RABGAP1L: variants seen among roughly 807,000 people sequenced by gnomAD.
RABGAP1L encodes rab GTPase-activating protein 1-like.
Under a neutral mutation model 137.7 loss-of-function variants are expected in RABGAP1L, and 63 were observed. That is an observed-to-expected ratio of 0.46 (90% CI 0.37 to 0.56). The LOEUF is 0.56. Ranked by LOEUF, RABGAP1L falls within the 20% of genes least tolerant of loss-of-function variation. The probability of loss-of-function intolerance (pLI) is 0.00; values close to 1 mark genes in which losing one functional copy is unlikely to be tolerated. For synonymous variants in RABGAP1L, 431 were observed against 433.7 expected (o/e 0.99, Z 0.08); for missense variants, 1,095 against 1,244.0 (o/e 0.88, Z 1.80).
At chr1:174,729,480 A>G (rs1376502000) in intron 17 of RABGAP1L, among the ~76,000 whole-genome samples, 1 of 152,276 alleles carries the variant, frequency 6.6e-6, no homozygotes, top group Non-Finnish European at 1.5e-5. Context: ...TGACAAGTGG[A>G]ACCTAATTAA....
intron 11 of RABGAP1L, among the ~76,000 whole-genome samples, chr1:174,346,984 G>A (rs1311824036): frequency 6.6e-6 from 1 of 152,008 alleles, no homozygotes; most frequent in Non-Finnish European, 1.5e-5. Context: ...TGACTCACTG[G>A]TCATTCAGGA....
At chr1:174,866,019 T>C (rs1651140173) in intron 19 of RABGAP1L, among the ~76,000 whole-genome samples, 1 of 150,940 alleles carries the variant, frequency 6.6e-6, no homozygotes, top group Non-Finnish European at 1.5e-5. Context: ...ACAAAGACAA[T>C]ATCTGCCAAA....
At chr1:174,398,481 G>A (rs1648150546) in intron 13 of RABGAP1L, among the ~76,000 whole-genome samples, 1 of 152,238 alleles carries the variant, frequency 6.6e-6, no homozygotes, top group African/African-American at 2.4e-5. Context: ...ACTATCAGAT[G>A]TGGTTAGAGG....
intron 13 of RABGAP1L, among the ~76,000 whole-genome samples, chr1:174,503,966 T>C (rs75650720): frequency 4.4e-5 from 3 of 67,572 alleles, no homozygotes; most frequent in African/African-American, 1.8e-4. Flanking sequence ...ATAGACTCTT[T>C]TTTTTTTCTT....
intron 13 of RABGAP1L, among the ~76,000 whole-genome samples, chr1:174,464,378 C>T (rs1326832809): frequency 6.6e-6 from 1 of 152,124 alleles, no homozygotes; most frequent in African/African-American, 2.4e-5. Flanking sequence ...CATCCTTTTG[C>T]CAAGTATTCC....
chr1:174,337,088 A>T (rs1475069484), intron 11 of RABGAP1L, among the ~76,000 whole-genome samples: 3 of 152,100 alleles, frequency 2.0e-5, no homozygotes, highest in Non-Finnish European at 4.4e-5. Context: ...TACCAAAAAA[A>T]ATTTAGCATC....
chr1:174,476,155 A>G (rs1056647412), intron 13 of RABGAP1L, among the ~76,000 whole-genome samples: 1 of 152,320 alleles, frequency 6.6e-6, no homozygotes, highest in Non-Finnish European at 1.5e-5. Flanking sequence ...TCAGTCCTCT[A>G]TGTAAGAGAA....
intron 13 of RABGAP1L, among the ~76,000 whole-genome samples, chr1:174,627,847 G>A (rs1045359328): frequency 1.3e-5 from 2 of 152,010 alleles, no homozygotes; most frequent in Non-Finnish European, 2.9e-5. Context: ...CCTGACAGAG[G>A]CAGGAGAAAG....
intron 19 of RABGAP1L, among the ~76,000 whole-genome samples, chr1:174,844,506 C>G (rs1693838839): frequency 2.7e-4 from 5 of 18,306 alleles, no homozygotes; most frequent in East Asian, 1.2e-3. Context: ...GCTTGTTTTT[C>G]TCAGGTTTGT....
At position 174,547,580 on chromosome 1, in the gene RABGAP1L, G is replaced by C. The variant is rs75191233; in HGVS notation, c.1711-89795G>C. ...AGCAGTGAGCTGTGATTGTGCTACT[G>C]TACTTCATCCTAGGCAACAGAGTGA... On this transcript the variant is annotated intron_variant, in intron 13 of 25. Coordinates refer to ENST00000681986, the MANE Select transcript of RABGAP1L (RefSeq NM_001366446.1). Among the ~76,000 whole-genome samples the C allele has an allele frequency of 3.8e-3, 575 of 152,290 alleles. 4 individuals carry two copies. The highest frequency in any genetic ancestry group is 6.9e-3 in the Non-Finnish European group (467 of 68,018).
chr1:174,191,810 T>C (rs535961938), intron 1 of RABGAP1L, among the ~76,000 whole-genome samples: 60 of 152,236 alleles, frequency 3.9e-4, no homozygotes, highest in African/African-American at 1.3e-3. Flanking sequence ...CCTGGAATAA[T>C]AGAGACACAC....
At chr1:174,753,467 C>T (rs332800) in intron 18 of RABGAP1L, among the ~76,000 whole-genome samples, 56,693 of 152,022 alleles carry the variant, frequency 0.37, 13,924 homozygotes, top group African/African-American at 0.7. Context: ...GATTTCTATT[C>T]CTCATCTCTT....
intron 19 of RABGAP1L, among the ~76,000 whole-genome samples, chr1:174,877,105 A>G (rs1442493126): frequency 1.3e-5 from 2 of 151,400 alleles, no homozygotes; most frequent in Non-Finnish European, 1.5e-5. Context: ...TACCAAGAAC[A>G]TAACACAAAT....
intron 20 of RABGAP1L, among the ~76,000 whole-genome samples, chr1:174,968,500 G>GTTTTTTTTT (rs5778822): frequency 6.8e-6 from 1 of 147,030 alleles, no homozygotes. Context: ...TAGTGACTTG[G>GTTTTTTTTT]TTTTTTTTTT....
At chr1:174,967,276 A>G (rs1669714454) in intron 20 of RABGAP1L, among the ~76,000 whole-genome samples, 1 of 149,096 alleles carries the variant, frequency 6.7e-6, no homozygotes, top group Non-Finnish European at 1.5e-5. Flanking sequence ...TGATTCTCCA[A>G]CCTCAGCCTC....
intron 13 of RABGAP1L, among the ~76,000 whole-genome samples, chr1:174,532,897 A>G (rs1239341993): frequency 6.6e-6 from 1 of 152,248 alleles, no homozygotes; most frequent in African/African-American, 2.4e-5. Context: ...AAACTATAGA[A>G]TATAACATGA....
At chr1:174,953,182 C>T (rs894841935) in intron 19 of RABGAP1L, among the ~76,000 whole-genome samples, 7 of 151,930 alleles carry the variant, frequency 4.6e-5, no homozygotes, top group East Asian at 1.9e-4. Context: ...CAAATTCTTC[C>T]GATAATTATT....
intron 13 of RABGAP1L, among the ~76,000 whole-genome samples, chr1:174,549,858 G>A (rs537651199): frequency 6.6e-6 from 1 of 152,202 alleles, no homozygotes; most frequent in South Asian, 2.1e-4. Flanking sequence ...CCAAGGTTTT[G>A]GAAATAATCT....
chr1:174,744,020 A>T (rs182045957), intron 17 of RABGAP1L, among the ~76,000 whole-genome samples: 50 of 144,078 alleles, frequency 3.5e-4, no homozygotes, highest in Admixed American at 6.4e-4. Context: ...GGGAGGACTT[A>T]GCCATAAGGG....
Sources: gnomAD v4.1 joint callset for allele counts (sites outside exome capture counted in the v4.1 genomes callset) on GRCh38, gnomAD v4.1.1 for gene constraint, MANE v1.5 for transcripts, NCBI Gene and HGNC (gene_info 2026-07-23, HGNC 2026-07-21) for gene names.